The following BCDIN3D variants were observed in gnomAD, a reference collection of about 807,000 sequenced individuals.
BCDIN3D encodes RNA 5'-monophosphate methyltransferase.
A neutral mutation model predicts 21.2 loss-of-function variants in BCDIN3D; 15 were observed. The observed-to-expected ratio is 0.71, with a 90% CI of 0.47 to 1.09. The LOEUF (loss-of-function observed/expected upper bound fraction) is 1.09, where lower values mean the gene tolerates loss of function less well. BCDIN3D is among the 50% of genes least tolerant of loss of function. The pLI, the probability that BCDIN3D is intolerant of heterozygous loss-of-function variation, is 0.00. For missense variants in BCDIN3D, 331 were observed against 366.2 expected, an observed-to-expected ratio of 0.90 and a Z score of 0.79; for synonymous variants, 127 against 141.9, an observed-to-expected ratio of 0.90 and a Z score of 0.75.
intron 1 of BCDIN3D, among the ~76,000 whole-genome samples, chr12:49,841,303 A>G (rs1946551614): frequency 6.6e-6 from 1 of 152,148 alleles, no homozygotes. Context: ...GGGAGTAGAG[A>G]CTTACTTTTT....
In BCDIN3D at chr12:49,838,425, T is replaced by C. The variant is rs1026386454; in HGVS notation, c.825A>G (p.Glu275=). 1.9e-5 allele frequency: 30 copies of C among 1,612,464 alleles called. No homozygotes were observed. In the African/African-American group the frequency reaches 3.3e-4, roughly 18 times the overall value. The change falls in exon 2 of 2, where the codon GAA becomes GAG. Residue 275 remains glutamate, a synonymous_variant. Transcript: ENST00000333924. The part of the protein sequence containing the change: ...KQTIETHPIP[E]SLIEKGKEKN... ...TTTCTTTCCCTTTTTCTATCAGTGA[T>C]TCAGGGATTGGATGAGTCTCTATGG... is the stretch of plus-strand genomic sequence containing the variant.
At chr12:49,839,701 C>CT (rs548566381) in intron 1 of BCDIN3D, 4,092 of 147,000 alleles carry the variant, frequency 0.028, 189 homozygotes, top group African/African-American at 0.091. Context: ...ACTTTGAATT[C>CT]TTTTTTTTTT....
chr12:49,843,101 G>A lies in BCDIN3D; in HGVS notation c.-14C>T, dbSNP rs1285598852. On this transcript the variant is annotated 5_prime_UTR_variant, in exon 1 of 2. Transcript: ENST00000333924. ...GGGCACCGCCATTAGCCTCAACACA[G>A]CCTCTGGGCCGTGGCGGAACCGGAA... 9 of 1,580,726 alleles carry A rather than the reference G, an allele frequency of 5.7e-6. No homozygotes were observed. The Middle Eastern group carries it at 6.8e-4, about 119-fold the overall frequency.
rs779842770 is a variant in BCDIN3D, at chr12:49,838,660, G to A, written c.590C>T (p.Pro197Leu). Residue 197 changes from proline to leucine, a missense_variant, in exon 2 of 2, where the codon CCC becomes CTC. By Grantham distance (98) the Pro-to-Leu change is moderately conservative (BLOSUM62 -3). Transcript: ENST00000333924. ...SSLCHYLLVE[P>L]QPWKCYRAAA... ...TGCCCGGTAACACTTCCAGGGTTGG[G>A]GCTCCACAAGGAGGTAGTGGCAGAG... 3 of 1,613,892 alleles carry A rather than the reference G, an allele frequency of 1.9e-6. No homozygotes were observed. The highest frequency in any genetic ancestry group is 3.3e-5 in the Admixed American group (2 of 60,010).
At chr12:49,839,669 A>G (rs1240801054) in intron 1 of BCDIN3D, 3 of 151,970 alleles carry the variant, frequency 2.0e-5, no homozygotes, top group African/African-American at 7.3e-5. Context: ...TTTTACTCTT[A>G]AGTCACCATC....
chr12:49,839,969 G>C (rs1201415437), intron 1 of BCDIN3D: 1 of 152,210 alleles, frequency 6.6e-6, no homozygotes, highest in Admixed American at 6.5e-5. Context: ...ATAGGAATGA[G>C]CCACTGCACC....
At position 49,838,787 on chromosome 12, in the gene BCDIN3D, G is replaced by T; in HGVS notation, c.463C>A (p.Arg155Ser). The T allele has an allele frequency of 6.2e-7, 1 of 1,614,168 alleles. No homozygotes were observed. The highest frequency in any genetic ancestry group is 8.5e-7 in the Non-Finnish European group (1 of 1,180,040). The change falls in exon 2 of 2, where the codon CGT (arginine) becomes AGT (serine). Residue 155 changes from arginine to serine, a missense_variant. Physicochemically the swap from Arg to Ser is moderately radical, Grantham distance 110 (BLOSUM62 -1). Coordinates refer to ENST00000333924, the MANE Select transcript of BCDIN3D (RefSeq NM_181708.3). ...CAGAAGCCAATGTCAAAAACTGAAC[G>T]TCCAAATTGGCTTAAGAAAGAGCTC... ...LLSSFLSQFG[R>S]SVFDIGFCMS...
At position 49,837,327 on chromosome 12, in the gene BCDIN3D, G is replaced by A. The variant is rs1464647672; in HGVS notation, c.*1044C>T. The A allele has an allele frequency of 5.9e-5, 7 of 119,294 alleles. No homozygotes were observed. The highest frequency in any genetic ancestry group is 8.1e-5 in the Non-Finnish European group (5 of 62,016). The allele number at this position is 119,294 out of a possible 1,614,324, so 7.4% of individuals were successfully genotyped here. On this transcript the variant is annotated 3_prime_UTR_variant, in exon 2 of 2. Transcript: ENST00000333924. The stretch of plus-strand genomic sequence containing the variant: ...TTTTGAGACGGAGTCTCGCTCTGTC[G>A]CCCAGGCTGGAGTGCAGTGGCGGGA...
Position 49,838,728 on chromosome 12 carries a change from A to G in BCDIN3D, c.522T>C (p.His174=), listed in dbSNP as rs529425041. The change falls in exon 2 of 2, where the codon CAT becomes CAC. Residue 174 remains histidine, a synonymous_variant. Transcript: ENST00000333924. ...MSITMWIHLN[H]GDHGLWEFLA... is the part of the protein sequence containing the mutation. The stretch of plus-strand genomic sequence containing the variant: ...GGAACTCCCATAGGCCATGGTCTCC[A>G]TGATTCAGATGAATCCACATGGTTA... The G allele has an allele frequency of 1.2e-6, 2 of 1,614,230 alleles. No individual in the cohort carries two copies. The highest frequency in any genetic ancestry group is 1.7e-6 in the Non-Finnish European group (2 of 1,180,046).
intron 1 of BCDIN3D, chr12:49,839,453 A>C: frequency 6.2e-6 from 1 of 161,070 alleles, no homozygotes; most frequent in Non-Finnish European, 1.4e-5. Context: ...CAATCTTACA[A>C]AAACCTGCTT....
rs1946503975 is a variant in BCDIN3D at position 49,836,167 on chromosome 12, T to C, written c.*2204A>G. 1 of 152,244 alleles carries C rather than the reference T, an allele frequency of 6.6e-6. No individual in the cohort carries two copies. The highest frequency in any genetic ancestry group is 1.5e-5 in the Non-Finnish European group (1 of 68,046). The allele number at this position is 152,244 out of a possible 1,614,324, so 9.4% of individuals were successfully genotyped here. A position where few individuals can be genotyped will look rare whatever the true frequency, so the allele number is the denominator to read the frequency against. On this transcript the variant is annotated 3_prime_UTR_variant, in exon 2 of 2. Coordinates refer to ENST00000333924, the MANE Select transcript of BCDIN3D (RefSeq NM_181708.3). ...ACATTTTCTTGCTTTTTCTAACTTCTAGAAGCCACCTGCATTCCTTGACTT... is the reference window on the plus strand; with the variant it reads ...ACATTTTCTTGCTTTTTCTAACTTCCAGAAGCCACCTGCATTCCTTGACTT...
In BCDIN3D at chr12:49,838,719, A is replaced by T; in HGVS notation, c.531T>A (p.His177Gln). 6.2e-7 allele frequency: 1 copy of T among 1,614,224 alleles called. No homozygotes were observed. Among genetic ancestry groups the T allele is most frequent in the African/African-American group, 1.3e-5 (1 of 75,056 alleles). ...TMWIHLNHGD[H>Q]GLWEFLAHLS... ...GATGGGCCAGGAACTCCCATAGGCC[A>T]TGGTCTCCATGATTCAGATGAATCC... The change falls in exon 2 of 2, where the codon CAT becomes CAA. Residue 177 changes from histidine to glutamine, a missense_variant. Coordinates refer to ENST00000333924, the MANE Select transcript of BCDIN3D (RefSeq NM_181708.3).
At position 49,837,273 on chromosome 12, in the gene BCDIN3D, G is replaced by GTTTTTTTTTT. The variant is rs1465846977; in HGVS notation, c.*1088_*1097dup. ...GGGGACCATAAGCATGTAGGTAGTT[G>GTTTTTTTTTT]TTTTTTTTTTTGTTTTTTTTTTTTT... On this transcript the variant is annotated 3_prime_UTR_variant, in exon 2 of 2. Transcript: ENST00000333924. 1.4e-4 allele frequency: 17 copies of GTTTTTTTTTT among 122,794 alleles called. 1 individual carries two copies. The highest frequency in any genetic ancestry group is 5.2e-4 in the African/African-American group (17 of 32,940). 7.6% of individuals were successfully genotyped at this position (122,794 alleles called of 1,614,324 possible).
intron 1 of BCDIN3D, 111 bp from the exon 2 acceptor site, chr12:49,839,126 G>A (rs1946534365): frequency 2.4e-6 from 3 of 1,270,250 alleles, no homozygotes; most frequent in Admixed American, 2.5e-5. Context: ...TGTATAGGAT[G>A]TGAGGTTCCT....
rs774324017 is a variant in BCDIN3D at position 49,842,933 on chromosome 12, G to A, written c.155C>T (p.Pro52Leu). 5 of 1,614,178 alleles carry A rather than the reference G, an allele frequency of 3.1e-6. No individual in the cohort carries two copies. Among genetic ancestry groups the A allele is most frequent in the East Asian group, 4.5e-5 (2 of 44,888 alleles). Residue 52 changes from proline to leucine, a missense_variant, in exon 1 of 2, where the codon CCG becomes CTG. By Grantham distance (98) the Pro-to-Leu change is moderately conservative. Coordinates refer to ENST00000333924, the MANE Select transcript of BCDIN3D (RefSeq NM_181708.3). Reference protein sequence around the residue: ...PPEQRLRLLPPELLRQLFPES... With the variant: ...PPEQRLRLLPLELLRQLFPES... ...AGGAAAGAGCTGTCGAAGCAGCTCC[G>A]GGGGCAGGAGGCGGAGCCGTTGCTC...
At position 49,839,205 on chromosome 12, in the gene BCDIN3D, A is replaced by G. The variant is rs11169173; in HGVS notation, c.235-190T>C. ...AGGCTCTCAGTGCCCTCCAGGGGTC[A>G]CATGCTGTAATGCATCATCCCCATA... On this transcript the variant is annotated intron_variant, in intron 1 of 1. Coordinates refer to ENST00000333924, the MANE Select transcript of BCDIN3D (RefSeq NM_181708.3). 6.4e-3 allele frequency: 3,842 copies of G among 596,648 alleles called. 118 individuals carry two copies. The African/African-American group carries it at 0.065, about 10-fold the overall frequency. The allele number at this position is 596,648 out of a possible 1,614,324, so 37.0% of individuals were successfully genotyped here. A position where few individuals can be genotyped will look rare whatever the true frequency, so the allele number is the denominator to read the frequency against.
chr12:49,842,692 C>A (rs1056512229), intron 1 of BCDIN3D, 162 bp downstream of exon 1: 2 of 647,824 alleles, frequency 3.1e-6, no homozygotes, highest in Non-Finnish European at 5.4e-6. Flanking sequence ...GATGGTGGAA[C>A]CCTGGCGGGC....
intron 1 of BCDIN3D, chr12:49,839,731 G>C (rs1415002531): frequency 6.6e-6 from 1 of 151,652 alleles, no homozygotes; most frequent in African/African-American, 2.4e-5. Flanking sequence ...GTCTGGTTCT[G>C]TCGGCCAGGC....
chr12:49,837,273 G>GTTTTTTTTGTTGTTTTTTT lies in BCDIN3D; in HGVS notation c.*1097_*1098insAAAAAAACAACAAAAAAAA, dbSNP rs1946512321. Reference sequence around the variant, plus strand: ...GGGGACCATAAGCATGTAGGTAGTTGTTTTTTTTTTTGTTTTTTTTTTTTT... The same window carrying GTTTTTTTTGTTGTTTTTTT: ...GGGGACCATAAGCATGTAGGTAGTTGTTTTTTTTGTTGTTTTTTTTTTTTTTTTTTGTTTTTTTTTTTTT... On this transcript the variant is annotated 3_prime_UTR_variant, in exon 2 of 2. Transcript: ENST00000333924. The GTTTTTTTTGTTGTTTTTTT allele has an allele frequency of 8.1e-6, 1 of 122,798 alleles. No individual in the cohort carries two copies. Among genetic ancestry groups the GTTTTTTTTGTTGTTTTTTT allele is most frequent in the African/African-American group, 3.0e-5 (1 of 32,944 alleles). 7.6% of individuals were successfully genotyped at this position (122,798 alleles called of 1,614,324 possible). A position where few individuals can be genotyped will look rare whatever the true frequency, so the allele number is the denominator to read the frequency against.
Sources: allele counts gnomAD v4.1 joint callset (sites outside exome capture counted in the v4.1 genomes callset), GRCh38; gene constraint gnomAD v4.1.1; transcripts MANE v1.5; gene names NCBI Gene and HGNC (gene_info 2026-07-23, HGNC 2026-07-21).